Variants in CHD9 observed in about 807,000 individuals in gnomAD.
The protein encoded by CHD9 is chromodomain helicase DNA binding protein 9.
Under a neutral mutation model 316.1 loss-of-function variants are expected in CHD9, and 77 were observed. That is an observed-to-expected ratio of 0.24 (90% CI 0.20 to 0.29). CHD9 has a LOEUF of 0.29. Among genes scored for constraint, CHD9 ranks in the 10% least tolerant of loss-of-function variants. The pLI is 1.00. For missense variants in CHD9, 2,763 were observed against 3,438.1 expected, an observed-to-expected ratio of 0.80 and a Z score of 4.91; for synonymous variants, 1,129 against 1,158.3, an observed-to-expected ratio of 0.97 and a Z score of 0.51.
intron 1 of CHD9, among the ~76,000 whole-genome samples, chr16:53,062,149 C>T (rs2032981188): frequency 6.6e-6 from 1 of 152,174 alleles, no homozygotes; most frequent in African/African-American, 2.4e-5. Flanking sequence ...GAAGTCTGGG[C>T]AAAGTACTAG....
In CHD9 at chr16:53,181,041, G is replaced by A. The variant is rs140569309; in HGVS notation, c.1452+23500G>A. Among the ~76,000 whole-genome samples the A allele has an allele frequency of 3.0e-3, 441 of 145,210 alleles. 5 individuals are homozygous for A. Among genetic ancestry groups the A allele is most frequent in the African/African-American group, 0.01 (409 of 39,050 alleles). On this transcript the variant is annotated intron_variant, in intron 2 of 38. Coordinates refer to ENST00000447540, the MANE Select transcript of CHD9 (RefSeq NM_001308319.2). ...TTTTTTTTTTTTGAGACAGAGTTTC[G>A]CTGTTGTTGCCCAGACTGGAGTGCA... is the stretch of plus-strand genomic sequence containing the variant.
rs752434057 is a variant in CHD9 at position 53,324,370 on chromosome 16, T to A, written c.8169T>A (p.Asn2723Lys). The change falls in exon 39 of 39, where the codon AAT becomes AAA. Residue 2723 changes from asparagine (N) to lysine (K), a missense_variant. This residue lies in a region of CHD9 where 298 missense variants were observed against 380.2 expected (regional missense o/e 0.78). Coordinates refer to ENST00000447540, the MANE Select transcript of CHD9 (RefSeq NM_001308319.2). ...MLLSGMAGLP[N>K]LLGMGGLLTK... The stretch of plus-strand genomic sequence containing the variant: ...TGTCAGGAATGGCTGGATTACCAAA[T>A]CTGTTGGGCATGGGAGGACTCCTGA... 5 of 1,613,922 alleles carry A rather than the reference T, an allele frequency of 3.1e-6. No individual in the cohort carries two copies. The highest frequency in any genetic ancestry group is 4.2e-6 in the Non-Finnish European group (5 of 1,179,870).
Position 53,303,944 on chromosome 16 carries a change from A to C in CHD9, c.5938A>C (p.Ser1980Arg). The change falls in exon 31 of 39, where the codon AGC (serine) becomes CGC (arginine). Residue 1980 changes from serine to arginine, a missense_variant. By Grantham distance (110) the Ser-to-Arg change is moderately radical. Transcript: ENST00000447540. ...LLIGAAKHGVSRTDYHILRDP... is the reference protein window; with the variant it reads ...LLIGAAKHGVRRTDYHILRDP... ...TATTGGTGCTGCCAAACACGGGGTG[A>C]GCCGAACAGACTATCACATTCTTCG... is the stretch of plus-strand genomic sequence containing the variant. 6.2e-7 allele frequency: 1 copy of C among 1,614,014 alleles called. No homozygotes were observed. Among genetic ancestry groups the C allele is most frequent in the Non-Finnish European group, 8.5e-7 (1 of 1,179,894 alleles).
intron 1 of CHD9, among the ~76,000 whole-genome samples, chr16:53,094,189 A>G (rs185024540): frequency 1.3e-5 from 2 of 152,276 alleles, no homozygotes; most frequent in East Asian, 3.9e-4. Flanking sequence ...TTGGTGACCA[A>G]ACTGCATGGT....
intron 24 of CHD9, among the ~76,000 whole-genome samples, chr16:53,277,031 A>G (rs2052908590): frequency 1.3e-5 from 2 of 152,192 alleles, no homozygotes; most frequent in Non-Finnish European, 2.9e-5. Context: ...TTCTGGAAAG[A>G]TACAACCATC....
At chr16:53,285,910 A>C (rs2053830227) in intron 25 of CHD9, among the ~76,000 whole-genome samples, 1 of 152,174 alleles carries the variant, frequency 6.6e-6, no homozygotes. Context: ...CCTGGATGTA[A>C]ATCTAAGACA....
At chr16:53,270,837 A>G (rs1484148838) in intron 22 of CHD9, among the ~76,000 whole-genome samples, 2 of 152,120 alleles carry the variant, frequency 1.3e-5, no homozygotes, top group East Asian at 3.9e-4. Context: ...TGACATCAGG[A>G]ACCTCTGGAA....
chr16:53,193,430 C>T (rs1177652048), intron 2 of CHD9, among the ~76,000 whole-genome samples: 2 of 151,462 alleles, frequency 1.3e-5, no homozygotes, highest in East Asian at 3.9e-4. Context: ...GCGTGGGTGA[C>T]AGAGTGAGAC....
chr16:53,131,560 A>G lies in CHD9; in HGVS notation c.-164-24366A>G, dbSNP rs1437636566. Among the ~76,000 whole-genome samples the G allele has an allele frequency of 7.9e-5, 12 of 151,036 alleles. No homozygotes were observed. In the East Asian group the frequency reaches 9.8e-4, roughly 12 times the overall value. ...GGCCCACAGCCCCCGGGGTCGGGACACGGCAGCCGCGCCTGTTGCGTCGTG... is the reference window on the plus strand; with the variant it reads ...GGCCCACAGCCCCCGGGGTCGGGACGCGGCAGCCGCGCCTGTTGCGTCGTG... On this transcript the variant is annotated intron_variant, in intron 1 of 38. Coordinates refer to ENST00000447540, the MANE Select transcript of CHD9 (RefSeq NM_001308319.2).
chr16:53,057,747 T>C lies in CHD9; in HGVS notation c.-165+2670T>C, dbSNP rs544633547. ...TTTCACAGTCATATATGGATGCACG[T>C]AGAATAGTGAAAAAGTTGAGTCACC... On this transcript the variant is annotated intron_variant, in intron 1 of 38. Coordinates refer to ENST00000447540, the MANE Select transcript of CHD9 (RefSeq NM_001308319.2). Among the ~76,000 whole-genome samples the C allele has an allele frequency of 1.2e-4, 19 of 152,016 alleles. 1 individual carries two copies. The highest frequency in any genetic ancestry group is 2.5e-4 in the Non-Finnish European group (17 of 68,026).
At chr16:53,192,770 T>TA (rs1214343966) in intron 2 of CHD9, among the ~76,000 whole-genome samples, 3 of 152,224 alleles carry the variant, frequency 2.0e-5, no homozygotes, top group Admixed American at 1.3e-4. Context: ...GACTTCTGTT[T>TA]AGCATAGAAC....
At chr16:53,134,773 A>G (rs1381783918) in intron 1 of CHD9, among the ~76,000 whole-genome samples, 1 of 152,194 alleles carries the variant, frequency 6.6e-6, no homozygotes, top group African/African-American at 2.4e-5. Context: ...ACTGTAATTT[A>G]TTCTCTGGAC....
intron 1 of CHD9, among the ~76,000 whole-genome samples, chr16:53,073,284 T>C (rs1041228560): frequency 2.0e-5 from 3 of 152,352 alleles, no homozygotes; most frequent in East Asian, 1.9e-4. Context: ...ACCTCAAGGT[T>C]CATCCGTGTC....
At position 53,156,199 on chromosome 16, in the gene CHD9, A is replaced by G. The variant is rs1214898341; in HGVS notation, c.110A>G (p.Asp37Gly). Residue 37 changes from aspartate to glycine, a missense_variant, in exon 2 of 39, where the codon GAT (aspartate) becomes GGT (glycine). Physicochemically the swap from Asp to Gly is moderately conservative, Grantham distance 94. This residue lies in a region of CHD9 where 859 missense variants were observed against 890.4 expected (regional missense o/e 0.96). Coordinates refer to ENST00000447540, the MANE Select transcript of CHD9 (RefSeq NM_001308319.2). ...FVQPGPVSLVDELNLGAEFEP... is the reference protein window; with the variant it reads ...FVQPGPVSLVGELNLGAEFEP... Reference sequence around the variant, plus strand: ...CAACCAGGACCTGTTTCACTAGTTGATGAATTGAATTTGGGTGCAGAATTT... The same window carrying G: ...CAACCAGGACCTGTTTCACTAGTTGGTGAATTGAATTTGGGTGCAGAATTT... 6.2e-7 allele frequency: 1 copy of G among 1,613,964 alleles called. No homozygotes were observed. Among genetic ancestry groups the G allele is most frequent in the Non-Finnish European group, 8.5e-7 (1 of 1,179,886 alleles).
chr16:53,068,890 G>A (rs1408450156), intron 1 of CHD9, among the ~76,000 whole-genome samples: 1 of 152,192 alleles, frequency 6.6e-6, no homozygotes, highest in African/African-American at 2.4e-5. Flanking sequence ...GAGGCTGACC[G>A]TAGGTCACTT....
At chr16:53,120,449 A>G (rs11075750) in intron 1 of CHD9, among the ~76,000 whole-genome samples, 51,877 of 151,698 alleles carry the variant, frequency 0.34, 9,267 homozygotes, top group Middle Eastern at 0.4. Flanking sequence ...CTCCGTCTCT[A>G]CTAAAAATAC....
rs368251204 is a variant in CHD9, at chr16:53,307,917, T to C, written c.7017T>C (p.His2339=). 7 of 1,612,302 alleles carry C rather than the reference T, an allele frequency of 4.3e-6. No individual in the cohort carries two copies. The highest frequency in any genetic ancestry group is 3.3e-5 in the South Asian group (3 of 90,556). The change falls in exon 33 of 39, where the codon CAT becomes CAC. Residue 2339 remains histidine (H), a synonymous_variant. Coordinates refer to ENST00000447540, the MANE Select transcript of CHD9 (RefSeq NM_001308319.2). The stretch of plus-strand genomic sequence containing the variant: ...CACAGATGTCAAAGGTGAAGAAGCA[T>C]GTACGAGAAAAGGAGTTTACAGTGA... ...QSTQMSKVKK[H]VREKEFTVKI... is the part of the protein sequence containing the mutation.
chr16:53,190,212 G>A (rs1246153011), intron 2 of CHD9, among the ~76,000 whole-genome samples: 1 of 152,044 alleles, frequency 6.6e-6, no homozygotes, highest in Non-Finnish European at 1.5e-5. Flanking sequence ...TGGTAGAGGT[G>A]GGTGGAGACA....
At chr16:53,086,824 T>C (rs1406155124) in intron 1 of CHD9, among the ~76,000 whole-genome samples, 3 of 152,172 alleles carry the variant, frequency 2.0e-5, no homozygotes, top group Non-Finnish European at 1.5e-5. Flanking sequence ...CTCCACCCAC[T>C]TTCTCCATCC....
Sources: gnomAD v4.1 joint callset for allele counts (sites outside exome capture counted in the v4.1 genomes callset) on GRCh38, gnomAD v4.1.1 for gene constraint, gnomAD v4.1.1 regional missense constraint, MANE v1.5 for transcripts, NCBI Gene and HGNC (gene_info 2026-07-23, HGNC 2026-07-21) for gene names.